The following SIK2 variants were observed in gnomAD, a reference collection of about 807,000 sequenced individuals.
SIK2 encodes the protein salt inducible kinase 2.
Under a neutral mutation model 103.2 loss-of-function variants are expected in SIK2, and 29 were observed. The observed-to-expected ratio is 0.28, with a 90% CI of 0.21 to 0.38. The LOEUF (loss-of-function observed/expected upper bound fraction) is 0.38, where lower values mean the gene tolerates loss of function less well. SIK2 is among the 10% of genes least tolerant of loss of function. The pLI, the probability that SIK2 is intolerant of heterozygous loss-of-function variation, is 1.00. For synonymous variants in SIK2, 412 were observed against 446.1 expected, an observed-to-expected ratio of 0.92 and a Z score of 0.96; for missense variants, 879 against 1,171.0, an observed-to-expected ratio of 0.75 and a Z score of 3.64.
intron 3 of SIK2, among the ~76,000 whole-genome samples, chr11:111,667,824 T>C (rs1258561100): frequency 6.6e-6 from 1 of 152,148 alleles, no homozygotes; most frequent in African/African-American, 2.4e-5. Flanking sequence ...ATGTTTAAGA[T>C]CACTGGGGTA....
intron 4 of SIK2, among the ~76,000 whole-genome samples, chr11:111,694,528 T>C (rs1943025410): frequency 6.6e-6 from 1 of 152,154 alleles, no homozygotes; most frequent in South Asian, 2.1e-4. Flanking sequence ...TCTGTATATA[T>C]GATTTCAGAT....
At chr11:111,671,732 G>C (rs1942630581) in intron 3 of SIK2, 2 of 402,596 alleles carry the variant, frequency 5.0e-6, no homozygotes, top group African/African-American at 2.1e-5. Context: ...GATCTCATCA[G>C]TCAACCCTTC....
intron 3 of SIK2, among the ~76,000 whole-genome samples, chr11:111,624,492 T>G (rs1383846333): frequency 6.6e-6 from 1 of 152,234 alleles, no homozygotes; most frequent in East Asian, 1.9e-4. Flanking sequence ...TTTCTTCCCT[T>G]TTTCCTCTTT....
intron 8 of SIK2, among the ~76,000 whole-genome samples, chr11:111,709,128 G>A (rs1352400828): frequency 6.6e-6 from 1 of 152,226 alleles, no homozygotes; most frequent in Admixed American, 6.5e-5. Flanking sequence ...CGGAAATCAG[G>A]ATGAGGGTGC....
intron 3 of SIK2, among the ~76,000 whole-genome samples, chr11:111,665,500 C>T (rs1942526290): frequency 2.0e-5 from 3 of 151,472 alleles, no homozygotes; most frequent in Admixed American, 1.3e-4. Context: ...CAGAGCAAGA[C>T]CCTGTCTCAA....
chr11:111,602,634 G>C lies in SIK2; in HGVS notation c.71G>C (p.Gly24Ala). 1 of 1,533,730 alleles carries C rather than the reference G, an allele frequency of 6.5e-7. No homozygotes were observed. Among genetic ancestry groups the C allele is most frequent in the Non-Finnish European group, 8.8e-7 (1 of 1,139,380 alleles). Residue 24 changes from glycine to alanine, a missense_variant, in exon 1 of 15, where the codon GGC becomes GCC. Around this residue, in one of 7 missense-constraint regions of SIK2, gnomAD observed 47 missense variants for 43.9 expected, o/e 1.07. Coordinates refer to ENST00000304987, the MANE Select transcript of SIK2 (RefSeq NM_015191.3). This position sits in a 1 kb window ranked among gnomAD's most constrained non-coding sequence, Gnocchi z 4.5. ...PVRVGFYDIE[G>A]TLGKGNFAVV... ...CGGGTGGGGTTCTACGACATCGAGG[G>C]CACGCTGGGCAAGGGCAACTTCGCT... is the stretch of plus-strand genomic sequence containing the variant.
At chr11:111,628,049 C>G (rs1941984535) in intron 3 of SIK2, among the ~76,000 whole-genome samples, 1 of 152,158 alleles carries the variant, frequency 6.6e-6, no homozygotes, top group African/African-American at 2.4e-5. Context: ...AACTTTCACT[C>G]ACCTTCCTAT....
Position 111,721,081 on chromosome 11 carries a change from TC to T in SIK2, c.1944+22del, listed in dbSNP as rs755142732. ...CCCTCAGGTGGGTACCTTGGGCCCT[TC>T]CCTCAATGGCTCTGTGAGGATGAGG... is the stretch of plus-strand genomic sequence containing the variant. On this transcript the variant is annotated intron_variant, in intron 12 of 14. Coordinates refer to ENST00000304987, the MANE Select transcript of SIK2 (RefSeq NM_015191.3). 142 of 1,601,966 alleles carry T rather than the reference TC, an allele frequency of 8.9e-5. No individual in the cohort carries two copies. Among genetic ancestry groups the T allele is most frequent in the Admixed American group, 1.2e-4 (7 of 56,868 alleles).
intron 1 of SIK2, among the ~76,000 whole-genome samples, chr11:111,607,091 C>T (rs1941658925): frequency 6.6e-6 from 1 of 152,152 alleles, no homozygotes; most frequent in Admixed American, 6.6e-5. Flanking sequence ...ATATACCTCT[C>T]ATATTGCTTA....
chr11:111,676,856 A>T (rs373862241), intron 3 of SIK2, among the ~76,000 whole-genome samples: 10 of 152,204 alleles, frequency 6.6e-5, no homozygotes, highest in African/African-American at 2.2e-4. Flanking sequence ...AAATAATTGC[A>T]TATCAATATA....
intron 9 of SIK2, among the ~76,000 whole-genome samples, chr11:111,715,854 T>C (rs1053501176): frequency 4.6e-5 from 6 of 131,432 alleles, no homozygotes; most frequent in African/African-American, 1.7e-4. Flanking sequence ...CAGGCTGGAG[T>C]GCAGTGACAC....
chr11:111,690,624 C>A (rs576447430), intron 4 of SIK2, among the ~76,000 whole-genome samples: 1 of 151,334 alleles, frequency 6.6e-6, no homozygotes, highest in Non-Finnish European at 1.5e-5. Flanking sequence ...CCCTCACCCC[C>A]AAAGAGGCCC....
intron 3 of SIK2, among the ~76,000 whole-genome samples, chr11:111,680,053 C>T (rs1015035386): frequency 6.7e-6 from 1 of 148,852 alleles, no homozygotes; most frequent in Admixed American, 6.7e-5. Context: ...ACCCGGGAGG[C>T]GGAGGTTGCA....
intron 3 of SIK2, among the ~76,000 whole-genome samples, chr11:111,654,057 T>G (rs1294761286): frequency 2.0e-5 from 3 of 152,224 alleles, no homozygotes; most frequent in African/African-American, 4.8e-5. Context: ...TATAGAAATT[T>G]CTTAGGGAAA....
At chr11:111,675,346 A>G (rs957899916) in intron 3 of SIK2, among the ~76,000 whole-genome samples, 5 of 152,224 alleles carry the variant, frequency 3.3e-5, no homozygotes, top group Non-Finnish European at 7.3e-5. Context: ...AAGGGTATGG[A>G]TAAATCTCTT....
chr11:111,631,400 T>C (rs758644172), intron 3 of SIK2, among the ~76,000 whole-genome samples: 2 of 152,162 alleles, frequency 1.3e-5, no homozygotes, highest in Non-Finnish European at 1.5e-5. Flanking sequence ...GCAGTGCTTT[T>C]CAATCCAAGA....
intron 3 of SIK2, among the ~76,000 whole-genome samples, chr11:111,636,279 G>A (rs1026855274): frequency 4.6e-5 from 7 of 152,088 alleles, no homozygotes; most frequent in Non-Finnish European, 1.5e-5. Flanking sequence ...TTTTATTTCT[G>A]TTGTATTTAT....
rs149289065 is a variant in SIK2, at chr11:111,673,951, G to C, written c.317-14050G>C. Among the ~76,000 whole-genome samples, 73 of 152,112 alleles carry C rather than the reference G, an allele frequency of 4.8e-4. 1 individual carries two copies. In the East Asian group the frequency reaches 0.014, roughly 29 times the overall value. On this transcript the variant is annotated intron_variant, in intron 3 of 14. Transcript: ENST00000304987. ...TAGCCAGGCGTGGTGGCACGCACCTGTAATCCCAGCTACTCGGGAGGCTGA... is the reference window on the plus strand; with the variant it reads ...TAGCCAGGCGTGGTGGCACGCACCTCTAATCCCAGCTACTCGGGAGGCTGA...
chr11:111,610,786 A>C (rs1446166520), intron 1 of SIK2, among the ~76,000 whole-genome samples: 1 of 152,218 alleles, frequency 6.6e-6, no homozygotes, highest in Non-Finnish European at 1.5e-5. Flanking sequence ...GTATATGATA[A>C]ATAACTGTCA....
Sources: allele counts gnomAD v4.1 joint callset (sites outside exome capture counted in the v4.1 genomes callset), GRCh38; gene constraint gnomAD v4.1.1; regional missense constraint gnomAD v4.1.1; non-coding constraint Gnocchi (gnomAD v3.1); transcripts MANE v1.5; gene names NCBI Gene and HGNC (gene_info 2026-07-23, HGNC 2026-07-21).